GLIS3: variants seen among roughly 807,000 people sequenced by gnomAD.
The protein encoded by GLIS3 is GLIS family zinc finger 3.
GLIS3 carries 53 observed loss-of-function variants against 78.6 expected under a neutral mutation model. The ratio of observed to expected loss-of-function variants is 0.67; its 90% CI spans 0.54 to 0.85. GLIS3 has a LOEUF of 0.85. Among genes scored for constraint, GLIS3 ranks in the 40% least tolerant of loss-of-function variants. The pLI is 0.00. For missense variants in GLIS3, 1,703 were observed against 1,231.1 expected, an observed-to-expected ratio of 1.38 and a Z score of -5.74; for synonymous variants, 684 against 509.9, an observed-to-expected ratio of 1.34 and a Z score of -4.60.
intron 2 of GLIS3, among the ~76,000 whole-genome samples, chr9:4,166,377 C>A (rs1018283589): frequency 6.6e-6 from 1 of 152,068 alleles, no homozygotes; most frequent in Non-Finnish European, 1.5e-5. Flanking sequence ...CCAGTAAGGA[C>A]AAGAAAAACC....
intron 9 of GLIS3, among the ~76,000 whole-genome samples, chr9:3,848,842 T>C (rs1340300271): frequency 6.6e-6 from 1 of 152,246 alleles, no homozygotes; most frequent in Non-Finnish European, 1.5e-5. Flanking sequence ...TGAACTGGAC[T>C]GACAAGCTTA....
chr9:4,268,757 A>T (rs1055298545), intron 2 of GLIS3, among the ~76,000 whole-genome samples: 1 of 152,132 alleles, frequency 6.6e-6, no homozygotes, highest in Non-Finnish European at 1.5e-5. Context: ...AGTTACTAGG[A>T]GACCAGTTTA....
intron 4 of GLIS3, among the ~76,000 whole-genome samples, chr9:4,082,219 G>C (rs1019702654): frequency 1.3e-5 from 2 of 152,188 alleles, no homozygotes; most frequent in Admixed American, 6.5e-5. Flanking sequence ...ATGTGGCACT[G>C]CTTATCAGCA....
At chr9:4,055,930 C>G (rs1018735266) in intron 4 of GLIS3, among the ~76,000 whole-genome samples, 1 of 152,118 alleles carries the variant, frequency 6.6e-6, no homozygotes, top group African/African-American at 2.4e-5. Flanking sequence ...GGAAGGAAGT[C>G]TATATTCTGA....
intron 2 of GLIS3, among the ~76,000 whole-genome samples, chr9:4,182,225 T>C (rs1205590621): frequency 1.3e-5 from 2 of 152,204 alleles, no homozygotes; most frequent in Non-Finnish European, 2.9e-5. Flanking sequence ...TGTAGACAAA[T>C]AGTTTAACTG....
the GLIS3 span, among the ~76,000 whole-genome samples, chr9:4,484,078 A>T: frequency 1.3e-5 from 2 of 152,228 alleles, no homozygotes; most frequent in Non-Finnish European, 2.9e-5. Context: ...TCTATGTAGC[A>T]ATAGTATAAA....
intron 8 of GLIS3, among the ~76,000 whole-genome samples, chr9:3,871,483 C>A (rs905923666): frequency 2.6e-5 from 4 of 152,322 alleles, no homozygotes; most frequent in African/African-American, 9.6e-5. Context: ...CCTGGGTATC[C>A]AGGCATTTCC....
intron 2 of GLIS3, among the ~76,000 whole-genome samples, chr9:4,194,786 G>A (rs1248307657): frequency 6.6e-6 from 1 of 152,196 alleles, no homozygotes; most frequent in Non-Finnish European, 1.5e-5. Flanking sequence ...CTGGCCAAGG[G>A]AGAGTACTTT....
chr9:4,431,325 T>C, the GLIS3 span, among the ~76,000 whole-genome samples: 9 of 152,256 alleles, frequency 5.9e-5, no homozygotes, highest in Non-Finnish European at 7.3e-5. Flanking sequence ...TACTTCGCTC[T>C]TGTATTAGTG....
chr9:4,352,990 T>G (rs1390953268), upstream of GLIS3, among the ~76,000 whole-genome samples: 1 of 152,168 alleles, frequency 6.6e-6, no homozygotes, highest in African/African-American at 2.4e-5. Context: ...GTTCCAGACC[T>G]CAGTGGTTTT....
At chr9:3,926,509 C>A (rs552598531) in intron 6 of GLIS3, among the ~76,000 whole-genome samples, 3 of 152,052 alleles carry the variant, frequency 2.0e-5, no homozygotes, top group Non-Finnish European at 4.4e-5. Flanking sequence ...GGATTACAGG[C>A]GTGAGCCACC....
intron 6 of GLIS3, among the ~76,000 whole-genome samples, chr9:3,919,751 G>T (rs964721052): frequency 2.6e-5 from 4 of 151,936 alleles, no homozygotes; most frequent in Admixed American, 2.6e-4. Flanking sequence ...CAAGAAAGGG[G>T]CTTGAAGAAT....
intron 6 of GLIS3, among the ~76,000 whole-genome samples, chr9:3,910,455 T>C (rs1824056880): frequency 6.6e-6 from 1 of 152,218 alleles, no homozygotes; most frequent in Non-Finnish European, 1.5e-5. Context: ...GTTTGAGCAA[T>C]CCTCTTGCTT....
At chr9:4,474,649 ATTT>A in the GLIS3 span, among the ~76,000 whole-genome samples, 2 of 150,946 alleles carry the variant, frequency 1.3e-5, no homozygotes, top group African/African-American at 4.9e-5. Context: ...GCAAATATTT[ATTT>A]TTTTTATTTT....
At chr9:4,470,453 T>C in the GLIS3 span, among the ~76,000 whole-genome samples, 2 of 152,104 alleles carry the variant, frequency 1.3e-5, no homozygotes, top group Non-Finnish European at 2.9e-5. Context: ...GTTCAACATA[T>C]GCAAATCAAT....
At chr9:4,325,093 T>C (rs1473518225) in intron 2 of GLIS3, among the ~76,000 whole-genome samples, 1 of 152,200 alleles carries the variant, frequency 6.6e-6, no homozygotes, top group South Asian at 2.1e-4. Flanking sequence ...GCCACACAGC[T>C]GGTAAGTCCT....
At chr9:4,473,454 C>CACCAAAAAAAAAAAAAAAA in the GLIS3 span, among the ~76,000 whole-genome samples, 2 of 58,854 alleles carry the variant, frequency 3.4e-5, no homozygotes, top group African/African-American at 4.5e-5. Context: ...TCAACAACAA[C>CACCAAAAAAAAAAAAAAAA]AACAACAAAA....
chr9:3,982,130 C>T (rs1295472686), intron 4 of GLIS3, among the ~76,000 whole-genome samples: 1 of 152,016 alleles, frequency 6.6e-6, no homozygotes, highest in East Asian at 1.9e-4. Flanking sequence ...ATGCATAGAA[C>T]AGAAAAGAAC....
chr9:4,328,107 AC>A (rs1817629560), intron 2 of GLIS3, among the ~76,000 whole-genome samples: 1 of 152,120 alleles, frequency 6.6e-6, no homozygotes. Context: ...CACGTGGCCC[AC>A]TGATGGAAAA....
Sources: allele counts gnomAD v4.1 joint callset (sites outside exome capture counted in the v4.1 genomes callset), GRCh38; gene constraint gnomAD v4.1.1; transcripts MANE v1.5; gene names NCBI Gene and HGNC (gene_info 2026-07-23, HGNC 2026-07-21).